RPRD2: variants seen among roughly 807,000 people sequenced by gnomAD.
RPRD2 encodes the protein regulation of nuclear pre-mRNA domain-containing protein 2.
In RPRD2, 12 loss-of-function variants were observed where a neutral mutation model predicts 104.4. The observed-to-expected ratio is 0.11, with a 90% confidence interval of 0.07 to 0.19. The LOEUF is 0.19. Among genes scored for constraint, RPRD2 ranks in the 10% least tolerant of loss-of-function variants. RPRD2 has a pLI of 1.00. For synonymous variants in RPRD2, 714 were observed against 684.9 expected (o/e 1.04, Z -0.66); for missense variants, 1,543 against 1,790.1 (o/e 0.86, Z 2.49).
At chr1:150,457,619 C>T in intron 8 of RPRD2, 49 bp downstream of exon 8, 1 of 1,535,658 alleles carries the variant, frequency 6.5e-7, no homozygotes, top group Non-Finnish European at 9.0e-7. Flanking sequence ...TCTGTTTTGC[C>T]TTCTCAGCAA....
At chr1:150,464,362 GTT>G (rs34642023) in intron 9 of RPRD2, among the ~76,000 whole-genome samples, 163 bp from the exon 10 acceptor site, 9,042 of 130,978 alleles carry the variant, frequency 0.069, 563 homozygotes, top group African/African-American at 0.2. Flanking sequence ...TCTTTTCAGG[GTT>G]TTTTTTTTTT....
chr1:150,444,122 C>T (rs972065858), intron 5 of RPRD2, 129 bp from the exon 6 acceptor site: 3 of 875,640 alleles, frequency 3.4e-6, no homozygotes, highest in Non-Finnish European at 5.0e-6. Context: ...TTTTTTTCCT[C>T]CCAGGGTTTT....
Position 150,472,915 on chromosome 1 carries a change from G to T in RPRD2, c.3967G>T (p.Val1323Leu). Reference sequence around the variant, plus strand: ...GCACGGAGTGGCAGGGGCTGTGGCAGTATTTCCCAAGGACCATAGTTCCCT... The same window carrying T: ...GCACGGAGTGGCAGGGGCTGTGGCATTATTTCCCAAGGACCATAGTTCCCT... ...AEHGVAGAVA[V>L]FPKDHSSLLQ... Residue 1323 changes from valine to leucine, a missense_variant, in exon 11 of 11, where the codon GTA becomes TTA. This residue lies in a region of RPRD2 where 880 missense variants were observed against 885.6 expected (regional missense o/e 0.99). Transcript: ENST00000369068. 1 of 1,613,346 alleles carries T rather than the reference G, an allele frequency of 6.2e-7. No homozygotes were observed. Among genetic ancestry groups the T allele is most frequent in the Non-Finnish European group, 8.5e-7 (1 of 1,179,612 alleles).
At position 150,460,182 on chromosome 1, in the gene RPRD2, A is replaced by G. The variant is rs201296972; in HGVS notation, c.1276A>G (p.Thr426Ala). 61 of 1,613,576 alleles carry G rather than the reference A, an allele frequency of 3.8e-5. 1 individual carries two copies. The African/African-American group carries it at 7.8e-4, about 21-fold the overall frequency. ...CTPVPVTMTA[T>A]PPLPKPVNTS... ...CCCAGTGCCTGTGACCATGACAGCA[A>G]CTCCACCTCTTCCAAAGCCTGTGAA... Residue 426 changes from threonine (T) to alanine (A), a missense_variant, in exon 9 of 11, where the codon ACT becomes GCT. Around this residue, in one of 4 missense-constraint regions of RPRD2, gnomAD observed 572 missense variants for 787.3 expected, o/e 0.73. Transcript: ENST00000369068.
chr1:150,417,559 TC>T, intron 1 of RPRD2, 36 bp from the exon 2 acceptor site: 1 of 1,454,148 alleles, frequency 6.9e-7, no homozygotes. Flanking sequence ...GCAAATTGAC[TC>T]ATTTGGTTTT....
intron 2 of RPRD2, among the ~76,000 whole-genome samples, chr1:150,421,073 T>C (rs909857844): frequency 3.3e-5 from 5 of 152,144 alleles, no homozygotes; most frequent in Admixed American, 2.0e-4. Context: ...CCAATAAGAA[T>C]AGGCAGCAGG....
intron 1 of RPRD2, among the ~76,000 whole-genome samples, chr1:150,369,071 G>A (rs367765031): frequency 5.3e-5 from 8 of 152,156 alleles, no homozygotes; most frequent in Admixed American, 1.3e-4. Flanking sequence ...TAGTGCTGGC[G>A]TACAGTTAGC....
rs587730670 is a variant in RPRD2, at chr1:150,403,535, G to T, written c.206-14061G>T. On this transcript the variant is annotated intron_variant, in intron 1 of 10. Coordinates refer to ENST00000369068, the MANE Select transcript of RPRD2 (RefSeq NM_015203.5). ...ATAGTATCTGTTCATTTGTGACTGG[G>T]TTATTTCCATAACATAATGACTTTG... Among the ~76,000 whole-genome samples the T allele has an allele frequency of 5.3e-5, 8 of 152,236 alleles. No homozygotes were observed. In the South Asian group the frequency reaches 1.0e-3, roughly 20 times the overall value.
In RPRD2 at chr1:150,464,440, A is replaced by G. The variant is rs1211086234; in HGVS notation, c.1412-87A>G. The G allele has an allele frequency of 9.1e-6, 9 of 993,910 alleles. No homozygotes were observed. In the East Asian group the frequency reaches 2.1e-4, roughly 23 times the overall value. The allele number at this position is 993,910 out of a possible 1,614,324, so 61.6% of individuals were successfully genotyped here. On this transcript the variant is annotated intron_variant, in intron 9 of 10. Coordinates refer to ENST00000369068, the MANE Select transcript of RPRD2 (RefSeq NM_015203.5). ...AACCACAGAAGAATTCCTGTTAAATATATCAAACTCATTGAAGTGAGGGGA... is the reference window on the plus strand; with the variant it reads ...AACCACAGAAGAATTCCTGTTAAATGTATCAAACTCATTGAAGTGAGGGGA...
chr1:150,446,136 C>A, intron 6 of RPRD2, 90 bp from the exon 7 acceptor site: 4 of 859,586 alleles, frequency 4.7e-6, no homozygotes, highest in Non-Finnish European at 5.2e-6. Context: ...AGAGTATGTT[C>A]ACAAAGAGAG....
chr1:150,403,344 C>T lies in RPRD2; in HGVS notation c.206-14252C>T, dbSNP rs78914867. ...GGCATGAAGAACATTAACATTGTTA[C>T]GCAGCCATCACCACCATCCATCCTC... On this transcript the variant is annotated intron_variant, in intron 1 of 10. Coordinates refer to ENST00000369068, the MANE Select transcript of RPRD2 (RefSeq NM_015203.5). Among the ~76,000 whole-genome samples, 132 of 152,182 alleles carry T rather than the reference C, an allele frequency of 8.7e-4. 2 individuals carry two copies. In the East Asian group the frequency reaches 0.023, roughly 27 times the overall value.
In RPRD2 at chr1:150,380,643, G is replaced by A. The variant is rs141378522; in HGVS notation, c.205+15724G>A. Reference sequence around the variant, plus strand: ...GATTAAGGCGTGAGCCACCACACCCGGCTCCTATTTTATTTTATTTTTATT... The same window carrying A: ...GATTAAGGCGTGAGCCACCACACCCAGCTCCTATTTTATTTTATTTTTATT... On this transcript the variant is annotated intron_variant, in intron 1 of 10. Transcript: ENST00000369068. Among the ~76,000 whole-genome samples the A allele has an allele frequency of 4.9e-3, 738 of 150,778 alleles. 5 individuals carry two copies. The highest frequency in any genetic ancestry group is 0.017 in the African/African-American group (695 of 41,074).
At position 150,471,199 on chromosome 1, in the gene RPRD2, T is replaced by C. The variant is rs763082982; in HGVS notation, c.2251T>C (p.Ser751Pro). The change falls in exon 11 of 11, where the codon TCC (serine) becomes CCC (proline). Residue 751 changes from serine (S) to proline (P), a missense_variant. Ser to Pro is a moderately conservative substitution (Grantham distance 74). This residue lies in a region of RPRD2 where 572 missense variants were observed against 787.3 expected (regional missense o/e 0.73). Coordinates refer to ENST00000369068, the MANE Select transcript of RPRD2 (RefSeq NM_015203.5). The surrounding 1 kb of genome is among the most constrained non-coding windows in gnomAD (Gnocchi z 5.3). ...CACATCCAGCAGTGTAGATACTATG[T>C]CCCTGCTTTCTAAGATCATTAGCCC... The part of the protein sequence containing the change: ...KPTSSSVDTM[S>P]LLSKIISPGS... 17 of 1,613,434 alleles carry C rather than the reference T, an allele frequency of 1.1e-5. No homozygotes were observed. The highest frequency in any genetic ancestry group is 1.4e-5 in the Non-Finnish European group (17 of 1,179,748).
intron 2 of RPRD2, among the ~76,000 whole-genome samples, chr1:150,435,717 G>A (rs1290190326): frequency 6.6e-6 from 1 of 152,174 alleles, no homozygotes; most frequent in African/African-American, 2.4e-5. Flanking sequence ...TAACACAAAA[G>A]TGTAAGATGA....
chr1:150,408,719 C>T lies in RPRD2; in HGVS notation c.206-8877C>T, dbSNP rs192661513. Among the ~76,000 whole-genome samples, 27 of 152,198 alleles carry T rather than the reference C, an allele frequency of 1.8e-4. No homozygotes were observed. In the East Asian group the frequency reaches 4.4e-3, roughly 25 times the overall value. ...TATTTATAGACATGTACTTATTATC[C>T]ACGTAATATGGATGCACCTTTACCT... On this transcript the variant is annotated intron_variant, in intron 1 of 10. Transcript: ENST00000369068.
At chr1:150,452,780 C>T (rs72696900) in intron 7 of RPRD2, among the ~76,000 whole-genome samples, 49,508 of 149,700 alleles carry the variant, frequency 0.33, 8,835 homozygotes, top group Non-Finnish European at 0.4. Context: ...AAGCAATTCT[C>T]CTACCTCAGC....
intron 1 of RPRD2, among the ~76,000 whole-genome samples, chr1:150,403,234 A>G (rs1663195629): frequency 6.6e-6 from 1 of 152,162 alleles, no homozygotes. Context: ...TTGCATACAT[A>G]TATATTATCA....
At chr1:150,377,938 A>G (rs1660846516) in intron 1 of RPRD2, among the ~76,000 whole-genome samples, 1 of 152,222 alleles carries the variant, frequency 6.6e-6, no homozygotes, top group African/African-American at 2.4e-5. Context: ...GGAAATTGTC[A>G]GAACATTTAT....
chr1:150,438,714 G>C (rs1021669298), intron 2 of RPRD2, among the ~76,000 whole-genome samples: 1 of 152,156 alleles, frequency 6.6e-6, no homozygotes, highest in Non-Finnish European at 1.5e-5. Flanking sequence ...AATAAACGTA[G>C]ATGGCATAGC....
Sources: allele counts gnomAD v4.1 joint callset (sites outside exome capture counted in the v4.1 genomes callset), GRCh38; gene constraint gnomAD v4.1.1; regional missense constraint gnomAD v4.1.1; non-coding constraint Gnocchi (gnomAD v3.1); transcripts MANE v1.5; gene names NCBI Gene and HGNC (gene_info 2026-07-23, HGNC 2026-07-21).